Variants in ZNF608 observed in about 807,000 individuals in gnomAD.
ZNF608 encodes renal carcinoma antigen NY-REN-36.
Under a neutral mutation model 109.0 loss-of-function variants are expected in ZNF608, and 12 were observed. The ratio of observed to expected loss-of-function variants is 0.11; its 90% CI spans 0.07 to 0.18. The LOEUF (loss-of-function observed/expected upper bound fraction) is 0.18, where lower values mean the gene tolerates loss of function less well. Ranked by LOEUF, ZNF608 falls within the 10% of genes least tolerant of loss-of-function variation. The probability of loss-of-function intolerance (pLI) is 1.00; values close to 1 mark genes in which losing one functional copy is unlikely to be tolerated. For synonymous variants in ZNF608, 732 were observed against 717.4 expected (o/e 1.02, Z -0.33); for missense variants, 1,707 against 1,879.3 (o/e 0.91, Z 1.70).
chr5:124,638,245 C>T (rs1364717459), intron 9 of ZNF608, among the ~76,000 whole-genome samples: 2 of 142,322 alleles, frequency 1.4e-5, no homozygotes, highest in African/African-American at 5.1e-5. Context: ...CCACCACACC[C>T]GGCCAACAGT....
At chr5:124,732,845 G>GA (rs1748967433) in intron 2 of ZNF608, among the ~76,000 whole-genome samples, 1 of 152,086 alleles carries the variant, frequency 6.6e-6, no homozygotes, top group South Asian at 2.1e-4. Flanking sequence ...TGAGCAAACA[G>GA]GAAGATTCAG....
chr5:124,733,742 G>T lies in ZNF608; in HGVS notation c.906+10342C>A, dbSNP rs545249977. ...AATTTTTAAGGATTTCAATCTGGCT[G>T]TTTTTTTCTACTACTAGTCATTGAG... On this transcript the variant is annotated intron_variant, in intron 2 of 9. Transcript: ENST00000513986. Among the ~76,000 whole-genome samples the T allele has an allele frequency of 7.9e-5, 12 of 152,156 alleles. No homozygotes were observed. The South Asian group carries it at 2.5e-3, about 32-fold the overall frequency.
chr5:124,721,495 G>A lies in ZNF608; in HGVS notation c.907-20226C>T, dbSNP rs77621731. 5.5e-3 allele frequency among the ~76,000 whole-genome samples: 830 copies of A among 152,226 alleles called. 5 individuals carry two copies. The highest frequency in any genetic ancestry group is 0.019 in the African/African-American group (794 of 41,520). ...CACACCACAGAACAAAACAGCAAAA[G>A]TGTAGATAAACGACATGTGTTTCCA... On this transcript the variant is annotated intron_variant, in intron 2 of 9. Coordinates refer to ENST00000513986, the MANE Select transcript of ZNF608 (RefSeq NM_020747.3).
At chr5:124,676,047 T>C (rs1242928528) in intron 3 of ZNF608, among the ~76,000 whole-genome samples, 4 of 152,030 alleles carry the variant, frequency 2.6e-5, no homozygotes, top group African/African-American at 9.7e-5. Context: ...GCTGCAGAAG[T>C]AGAGATGTAG....
At chr5:124,741,437 TC>T (rs1749395759) in intron 2 of ZNF608, among the ~76,000 whole-genome samples, 1 of 122,202 alleles carries the variant, frequency 8.2e-6, no homozygotes, top group African/African-American at 3.1e-5. Context: ...ACACATACAC[TC>T]CCCCCTTTGG....
chr5:124,744,109 C>A lies in ZNF608; in HGVS notation c.881G>T (p.Arg294Leu). Residue 294 changes from arginine (R) to leucine (L), a missense_variant, in exon 2 of 10, where the codon CGA becomes CTA. Around this residue, in one of 7 missense-constraint regions of ZNF608, gnomAD observed 407 missense variants for 398.7 expected, o/e 1.02. Transcript: ENST00000513986. The surrounding 1 kb of genome is among the most constrained non-coding windows in gnomAD (Gnocchi z 4.5). ...CTTCTCAGTTTTCAGTTTCTTGATT[C>A]GCCTGTGGCTCTCCTCCTCCTCCTC... ...KEEEEEESHR[R>L]IKKLKTEKVD... The A allele has an allele frequency of 6.3e-7, 1 of 1,595,628 alleles. No homozygotes were observed. Among genetic ancestry groups the A allele is most frequent in the South Asian group, 1.1e-5 (1 of 88,648 alleles).
At chr5:124,747,022 T>C (rs1419311169), upstream of ZNF608, among the ~76,000 whole-genome samples, 1 of 151,588 alleles carries the variant, frequency 6.6e-6, no homozygotes, top group Non-Finnish European at 1.5e-5. Flanking sequence ...ACCTAAAGGA[T>C]GTGATGTTTT....
At chr5:124,701,314 A>C (rs759856213) in intron 2 of ZNF608, 45 bp from the exon 3 acceptor site, 1 of 1,600,492 alleles carries the variant, frequency 6.2e-7, no homozygotes, top group Non-Finnish European at 8.5e-7. Flanking sequence ...CATTCCGTGA[A>C]TTCCTTTTAA....
intron 3 of ZNF608, among the ~76,000 whole-genome samples, chr5:124,657,516 A>T (rs1271404596): frequency 2.0e-5 from 3 of 152,074 alleles, no homozygotes; most frequent in Non-Finnish European, 4.4e-5. Context: ...AAAAAATAAA[A>T]AAATAAAAAA....
chr5:124,720,822 C>G (rs1162572189), intron 2 of ZNF608, among the ~76,000 whole-genome samples: 1 of 150,664 alleles, frequency 6.6e-6, no homozygotes, highest in African/African-American at 2.4e-5. Context: ...TTTCCTTTTT[C>G]TTTATCTTCT....
At chr5:124,641,443 T>C in intron 7 of ZNF608, 38 bp from the exon 8 acceptor site, 1 of 1,578,390 alleles carries the variant, frequency 6.3e-7, no homozygotes, top group Non-Finnish European at 8.6e-7. Context: ...CTTCATGCTC[T>C]GAAAATCAAC....
Position 124,716,335 on chromosome 5 carries a change from T to TAA in ZNF608, c.907-15068_907-15067dup, listed in dbSNP as rs535459904. Among the ~76,000 whole-genome samples, 542 of 143,038 alleles carry TAA rather than the reference T, an allele frequency of 3.8e-3. 5 individuals carry two copies. The highest frequency in any genetic ancestry group is 0.012 in the African/African-American group (475 of 39,752). The allele number at this position is 143,038 out of a possible 152,430, so 93.8% of individuals were successfully genotyped here. A position where few individuals can be genotyped will look rare whatever the true frequency, so the allele number is the denominator to read the frequency against. ...CTTAAATTTAAATTGTTTCATTTAA[T>TAA]AAAAAAAAAAAGAGGGGATTTCCTT... On this transcript the variant is annotated intron_variant, in intron 2 of 9. Coordinates refer to ENST00000513986, the MANE Select transcript of ZNF608 (RefSeq NM_020747.3).
intron 3 of ZNF608, among the ~76,000 whole-genome samples, chr5:124,674,085 A>G (rs1751838486): frequency 6.6e-6 from 1 of 152,214 alleles, no homozygotes; most frequent in Non-Finnish European, 1.5e-5. Context: ...AACTTGCATT[A>G]TCATAAAAAT....
At chr5:124,681,899 G>A (rs1444100949) in intron 3 of ZNF608, among the ~76,000 whole-genome samples, 1 of 152,174 alleles carries the variant, frequency 6.6e-6, no homozygotes, top group Non-Finnish European at 1.5e-5. Flanking sequence ...CAACACTGGG[G>A]AGCTCAAAGC....
intron 1 of ZNF608, among the ~76,000 whole-genome samples, chr5:124,745,845 T>C (rs1749619931): frequency 6.6e-6 from 1 of 152,188 alleles, no homozygotes; most frequent in Non-Finnish European, 1.5e-5. Flanking sequence ...TTTTGAAATA[T>C]GCATGTCTTT....
chr5:124,646,152 G>A (rs139153656), intron 5 of ZNF608, among the ~76,000 whole-genome samples: 2 of 152,240 alleles, frequency 1.3e-5, no homozygotes, highest in East Asian at 3.9e-4. Flanking sequence ...CATGAGGTCA[G>A]GAGATCGAGA....
chr5:124,675,623 CT>C (rs1319677492), intron 3 of ZNF608, among the ~76,000 whole-genome samples: 1 of 152,176 alleles, frequency 6.6e-6, no homozygotes, highest in Non-Finnish European at 1.5e-5. Flanking sequence ...AGTTTAATGA[CT>C]TGTTTAAATG....
intron 2 of ZNF608, among the ~76,000 whole-genome samples, chr5:124,719,711 G>C (rs1353888187): frequency 6.6e-6 from 1 of 152,092 alleles, no homozygotes; most frequent in African/African-American, 2.4e-5. Context: ...AGATTTGTGG[G>C]GCCTCAGAAA....
chr5:124,659,894 G>A (rs1045262647), intron 3 of ZNF608, among the ~76,000 whole-genome samples: 5 of 152,248 alleles, frequency 3.3e-5, no homozygotes, highest in African/African-American at 1.2e-4. Flanking sequence ...TATAAATTAT[G>A]ATGCTTTATT....
Sources: allele counts gnomAD v4.1 joint callset (sites outside exome capture counted in the v4.1 genomes callset), GRCh38; gene constraint gnomAD v4.1.1; regional missense constraint gnomAD v4.1.1; non-coding constraint Gnocchi (gnomAD v3.1); transcripts MANE v1.5; gene names NCBI Gene and HGNC (gene_info 2026-07-23, HGNC 2026-07-21).